The following ZNF469 variants were observed in gnomAD, a reference collection of about 807,000 sequenced individuals.
ZNF469 encodes the protein zinc finger protein 469.
Under a neutral mutation model 1.0 loss-of-function variants are expected in ZNF469, and 1 was observed. That is an observed-to-expected ratio of 1.00 (90% CI 0.35 to 4.73). The LOEUF (loss-of-function observed/expected upper bound fraction) is 4.73, where lower values mean the gene tolerates loss of function less well. Among genes scored for constraint, ZNF469 ranks in the 30% most tolerant of loss-of-function variants. The pLI, the probability that ZNF469 is intolerant of heterozygous loss-of-function variation, is 0.16. For synonymous variants in ZNF469, 2,703 were observed against 2,363.4 expected (o/e 1.14, Z -4.17); for missense variants, 6,100 against 5,356.3 (o/e 1.14, Z -4.33).
the ZNF469 span, among the ~76,000 whole-genome samples, chr16:88,305,672 ACACATGCT>A: frequency 6.6e-6 from 1 of 152,120 alleles, no homozygotes; most frequent in Non-Finnish European, 1.5e-5. Flanking sequence ...TCACATACAC[ACACATGCT>A]CACATGCACA....
the ZNF469 span, among the ~76,000 whole-genome samples, chr16:88,187,069 C>T: frequency 2.0e-5 from 3 of 152,128 alleles, no homozygotes; most frequent in South Asian, 2.1e-4. Flanking sequence ...GACGATGTAG[C>T]GGGGCCCTCT....
chr16:88,193,804 GA>G, the ZNF469 span: 2 of 152,402 alleles, frequency 1.3e-5, no homozygotes, highest in East Asian at 1.9e-4. Context: ...GATCTCAGTA[GA>G]GACAGTGTCT....
chr16:88,303,902 C>T, the ZNF469 span, among the ~76,000 whole-genome samples: 1 of 152,136 alleles, frequency 6.6e-6, no homozygotes, highest in Non-Finnish European at 1.5e-5. Context: ...ACACTCAGTG[C>T]CACTCACTCA....
chr16:88,233,294 C>T, the ZNF469 span, among the ~76,000 whole-genome samples: 1 of 152,194 alleles, frequency 6.6e-6, no homozygotes, highest in Non-Finnish European at 1.5e-5. Context: ...CATTGTGGGG[C>T]TTGGGAGGAA....
the ZNF469 span, among the ~76,000 whole-genome samples, chr16:88,155,719 T>C: frequency 5.3e-5 from 8 of 152,348 alleles, no homozygotes; most frequent in Non-Finnish European, 8.8e-5. Flanking sequence ...ATTTAGGTCG[T>C]TTTCACTTTT....
the ZNF469 span, among the ~76,000 whole-genome samples, chr16:88,346,002 G>A: frequency 1.3e-5 from 2 of 152,214 alleles, no homozygotes; most frequent in African/African-American, 4.8e-5. Flanking sequence ...TTCTTGGCGG[G>A]GGCAGGAGCG....
the ZNF469 span, among the ~76,000 whole-genome samples, chr16:88,161,469 A>C: frequency 1.3e-5 from 2 of 152,204 alleles, no homozygotes; most frequent in African/African-American, 4.8e-5. Flanking sequence ...TGTGTGAGAA[A>C]ACTGACACTG....
At chr16:88,216,270 T>A in the ZNF469 span, among the ~76,000 whole-genome samples, 15 of 151,782 alleles carry the variant, frequency 9.9e-5, no homozygotes, top group African/African-American at 3.6e-4. Context: ...CCGAGGCGGG[T>A]GGATCACGAG....
intron 1 of ZNF469, among the ~76,000 whole-genome samples, chr16:88,397,669 G>A (rs1599348631): frequency 6.7e-6 from 1 of 149,776 alleles, no homozygotes; most frequent in African/African-American, 2.5e-5. Context: ...TAGATAGATA[G>A]ATAGATAGAT....
the ZNF469 span, among the ~76,000 whole-genome samples, chr16:88,249,199 C>T: frequency 2.0e-5 from 3 of 148,136 alleles, no homozygotes; most frequent in Non-Finnish European, 3.0e-5. Flanking sequence ...AACAATATGC[C>T]GTCAATACCC....
At chr16:88,259,195 C>A in the ZNF469 span, among the ~76,000 whole-genome samples, 1 of 152,162 alleles carries the variant, frequency 6.6e-6, no homozygotes, top group Non-Finnish European at 1.5e-5. The surrounding 1 kb of genome is among the most constrained non-coding windows in gnomAD (Gnocchi z 4.1). Context: ...CTCGCGGCCA[C>A]CCACCGGCTT....
chr16:88,217,557 C>T, the ZNF469 span, among the ~76,000 whole-genome samples: 1 of 142,380 alleles, frequency 7.0e-6, no homozygotes, highest in South Asian at 2.5e-4. Flanking sequence ...CGTCATCTAG[C>T]ATTAGGTATA....
chr16:88,360,799 T>G, the ZNF469 span, among the ~76,000 whole-genome samples: 1 of 120,804 alleles, frequency 8.3e-6, no homozygotes, highest in East Asian at 2.7e-4. Context: ...CCCCAGACAG[T>G]GCCCGCGTGC....
At chr16:88,361,009 A>G in the ZNF469 span, among the ~76,000 whole-genome samples, 1 of 152,248 alleles carries the variant, frequency 6.6e-6, no homozygotes, top group Non-Finnish European at 1.5e-5. Flanking sequence ...TATAGTAAGT[A>G]ATTATACAAC....
At position 88,424,045 on chromosome 16, in the gene ZNF469, C is replaced by T. The variant is rs1222684762; in HGVS notation, c.-191-762C>T. On this transcript the variant is annotated intron_variant, in intron 1 of 2. Coordinates refer to ENST00000565624, the MANE Select transcript of ZNF469 (RefSeq NM_001367624.2). The surrounding 1 kb of genome is among the most constrained non-coding windows in gnomAD (Gnocchi z 4.3). ...TGGACAATCTCCTTCCAAAGTCAAA[C>T]GCAGGTGCCCTTTGACGCAGCTAGG... Among the ~76,000 whole-genome samples the T allele has an allele frequency of 2.6e-5, 4 of 152,344 alleles. No individual in the cohort carries two copies. Among genetic ancestry groups the T allele is most frequent in the Middle Eastern group, 3.4e-3 (1 of 294 alleles).
At chr16:88,140,144 G>A in the ZNF469 span, among the ~76,000 whole-genome samples, 10 of 152,132 alleles carry the variant, frequency 6.6e-5, no homozygotes, top group Non-Finnish European at 1.5e-4. Context: ...TGAAAGTCCA[G>A]AGCAAGAGAA....
At chr16:88,293,105 G>T in the ZNF469 span, among the ~76,000 whole-genome samples, 1 of 152,148 alleles carries the variant, frequency 6.6e-6, no homozygotes, top group Non-Finnish European at 1.5e-5. Context: ...TGGATGGATG[G>T]GTGGATGGGT....
At chr16:88,328,208 C>T in the ZNF469 span, among the ~76,000 whole-genome samples, 1 of 152,236 alleles carries the variant, frequency 6.6e-6, no homozygotes, top group African/African-American at 2.4e-5. Flanking sequence ...ATGGGCCAGG[C>T]CGGACACTTC....
At chr16:88,262,423 G>T in the ZNF469 span, among the ~76,000 whole-genome samples, 731 of 152,306 alleles carry the variant, frequency 4.8e-3, no homozygotes, top group Non-Finnish European at 7.8e-3. This position sits in a 1 kb window ranked among gnomAD's most constrained non-coding sequence, Gnocchi z 4.3. Context: ...CAAGTGGCTG[G>T]GCTTTGGTGG....
Sources: allele counts gnomAD v4.1 joint callset (sites outside exome capture counted in the v4.1 genomes callset), GRCh38; gene constraint gnomAD v4.1.1; non-coding constraint Gnocchi (gnomAD v3.1); transcripts MANE v1.5; gene names NCBI Gene and HGNC (gene_info 2026-07-23, HGNC 2026-07-21).